The following PELI1 variants were observed in gnomAD, a reference collection of about 807,000 sequenced individuals.
PELI1 encodes the protein E3 ubiquitin-protein ligase pellino homolog 1.
PELI1 carries 15 observed loss-of-function variants against 41.3 expected under a neutral mutation model. That is an observed-to-expected ratio of 0.36 (90% confidence interval 0.24 to 0.56). The LOEUF is 0.56. Among genes scored for constraint, PELI1 ranks in the 20% least tolerant of loss-of-function variants. The probability of loss-of-function intolerance (pLI) is 0.82; values close to 1 mark genes in which losing one functional copy is unlikely to be tolerated. For missense variants in PELI1, 403 were observed against 525.5 expected (o/e 0.77, Z 2.28); for synonymous variants, 178 against 180.1 (o/e 0.99, Z 0.09).
chr2:64,114,421 T>C (rs932405643), intron 1 of PELI1, among the ~76,000 whole-genome samples: 1 of 152,130 alleles, frequency 6.6e-6, no homozygotes, highest in Non-Finnish European at 1.5e-5. Flanking sequence ...GGAGAAATAA[T>C]GGTGTGCAGT....
chr2:64,123,162 T>C (rs1681278275), intron 1 of PELI1, among the ~76,000 whole-genome samples: 1 of 152,238 alleles, frequency 6.6e-6, no homozygotes, highest in African/African-American at 2.4e-5. Flanking sequence ...CTCCACTCTT[T>C]TCTATATGTT....
intron 1 of PELI1, among the ~76,000 whole-genome samples, chr2:64,141,500 T>A (rs1420033090): frequency 2.0e-5 from 3 of 152,224 alleles, no homozygotes; most frequent in Admixed American, 2.0e-4. Flanking sequence ...TTTTCAATTC[T>A]AAGTCTTTGG....
intron 4 of PELI1, among the ~76,000 whole-genome samples, chr2:64,099,937 T>G: frequency 6.6e-6 from 1 of 152,248 alleles, no homozygotes; most frequent in East Asian, 1.9e-4. Flanking sequence ...ATACAAATAG[T>G]TAGCAAGTGC....
intron 3 of PELI1, among the ~76,000 whole-genome samples, chr2:64,102,582 A>G (rs1680481198): frequency 6.6e-6 from 1 of 152,196 alleles, no homozygotes; most frequent in South Asian, 2.1e-4. Context: ...GTATTTTGAA[A>G]ATTAATTCTT....
At chr2:64,096,880 T>C (rs1680257056) in intron 4 of PELI1, among the ~76,000 whole-genome samples, 1 of 152,186 alleles carries the variant, frequency 6.6e-6, no homozygotes, top group Admixed American at 6.5e-5. Context: ...ACGGCTGAGA[T>C]TTCTAGATGG....
At chr2:64,133,156 G>C (rs1681606058) in intron 1 of PELI1, among the ~76,000 whole-genome samples, 1 of 152,074 alleles carries the variant, frequency 6.6e-6, no homozygotes, top group Non-Finnish European at 1.5e-5. Flanking sequence ...CATCAAATTA[G>C]CACTAAACAT....
At chr2:64,104,458 CAG>C (rs1226736884) in intron 3 of PELI1, 4 of 401,664 alleles carry the variant, frequency 1.0e-5, no homozygotes, top group African/African-American at 2.1e-5. Flanking sequence ...AATAAGGAAA[CAG>C]AGTGTTTCCT....
rs1391329744 is a variant in PELI1, at chr2:64,144,387, C to G, written c.-376G>C. 1.3e-5 allele frequency: 2 copies of G among 151,052 alleles called. No individual in the cohort carries two copies. Among genetic ancestry groups the G allele is most frequent in the Admixed American group, 6.6e-5 (1 of 15,186 alleles). 9.4% of individuals were successfully genotyped at this position (151,052 alleles called of 1,614,324 possible). A position where few individuals can be genotyped will look rare whatever the true frequency, so the allele number is the denominator to read the frequency against. On this transcript the variant is annotated 5_prime_UTR_variant, in exon 1 of 7. Transcript: ENST00000358912. ...TGGAGGCGGCGGCGGCGCCCCCCGA[C>G]GGTCCCTCCGCCTCACACCGCCTCT...
rs377041268 is a variant in PELI1 at position 64,140,787 on chromosome 2, C to CAAAAAAAAAA, written c.-70+3284_-70+3293dup. On this transcript the variant is annotated intron_variant, in intron 1 of 6. Coordinates refer to ENST00000358912, the MANE Select transcript of PELI1 (RefSeq NM_020651.4). ...GAAGTGATCTACTCAAGACAACATG[C>CAAAAAAAAAA]AAAAAAAAAAAACAAACAAACAAAA... 2.9e-3 allele frequency among the ~76,000 whole-genome samples: 136 copies of CAAAAAAAAAA among 46,314 alleles called. 38 individuals are homozygous for CAAAAAAAAAA. Among genetic ancestry groups the CAAAAAAAAAA allele is most frequent in the Middle Eastern group, 0.029 (2 of 70 alleles). 30.4% of individuals were successfully genotyped at this position (46,314 alleles called of 152,430 possible).
intron 1 of PELI1, among the ~76,000 whole-genome samples, chr2:64,109,881 A>G (rs1353467517): frequency 6.6e-6 from 1 of 152,230 alleles, no homozygotes; most frequent in Non-Finnish European, 1.5e-5. Flanking sequence ...CGTGCGTGAG[A>G]CTATAGCAAA....
At chr2:64,106,988 C>T (rs116911451) in intron 2 of PELI1, among the ~76,000 whole-genome samples, 9,125 of 152,108 alleles carry the variant, frequency 0.06, 346 homozygotes, top group African/African-American at 0.11. Context: ...AGTGCAGTGG[C>T]GCTGATCTCA....
intron 2 of PELI1, among the ~76,000 whole-genome samples, chr2:64,106,577 T>C (rs1368542958): frequency 6.6e-6 from 1 of 152,214 alleles, no homozygotes; most frequent in African/African-American, 2.4e-5. Context: ...CTATGCTAAA[T>C]TTATGATCTT....
In PELI1 at chr2:64,117,260, T is replaced by C. The variant is rs1681027214; in HGVS notation, c.-69-8881A>G. Among the ~76,000 whole-genome samples, 3 of 152,226 alleles carry C rather than the reference T, an allele frequency of 2.0e-5. No individual in the cohort carries two copies. The South Asian group carries it at 6.2e-4, about 31-fold the overall frequency. On this transcript the variant is annotated intron_variant, in intron 1 of 6. Transcript: ENST00000358912. ...CATCACTTAATATTTAATTATTTTC[T>C]CAGAGATTCATATTTTTCAGTATCT...
At chr2:64,107,769 C>T (rs1680670548) in intron 2 of PELI1, among the ~76,000 whole-genome samples, 1 of 152,032 alleles carries the variant, frequency 6.6e-6, no homozygotes, top group Non-Finnish European at 1.5e-5. Flanking sequence ...CCTCTGCCTC[C>T]AGGGTTCAAG....
chr2:64,096,648 A>G, intron 4 of PELI1, 38 bp from the exon 5 acceptor site: 1 of 1,381,422 alleles, frequency 7.2e-7, no homozygotes. Flanking sequence ...ACCCATTCAA[A>G]GAGCACAGTG....
chr2:64,104,547 C>T, intron 3 of PELI1, 154 bp downstream of exon 3: 1 of 1,225,824 alleles, frequency 8.2e-7, no homozygotes, highest in Non-Finnish European at 1.1e-6. Flanking sequence ...GGCAGCTCTT[C>T]AAATACCATG....
Position 64,134,080 on chromosome 2 carries a change from G to A in PELI1, c.-70+10001C>T, listed in dbSNP as rs535354283. On this transcript the variant is annotated intron_variant, in intron 1 of 6. Transcript: ENST00000358912. ...GAGCCTTCAATTTAAGGAGTAGGAG[G>A]AAAATGAGGGGGCCTACTGAATCAT... 3.3e-5 allele frequency among the ~76,000 whole-genome samples: 5 copies of A among 152,142 alleles called. No individual in the cohort carries two copies. In the South Asian group the frequency reaches 1.0e-3, roughly 32 times the overall value.
intron 1 of PELI1, among the ~76,000 whole-genome samples, chr2:64,133,298 T>G (rs1486507021): frequency 1.3e-5 from 2 of 152,112 alleles, no homozygotes; most frequent in Non-Finnish European, 2.9e-5. Flanking sequence ...GCTCATACAG[T>G]GAGTTTCAAC....
chr2:64,132,204 T>C (rs1266635125), intron 1 of PELI1, among the ~76,000 whole-genome samples: 1 of 152,184 alleles, frequency 6.6e-6, no homozygotes, highest in East Asian at 1.9e-4. Context: ...GAGAACTTTA[T>C]ATATTATCTC....
Sources: allele counts gnomAD v4.1 joint callset (sites outside exome capture counted in the v4.1 genomes callset), GRCh38; gene constraint gnomAD v4.1.1; transcripts MANE v1.5; gene names NCBI Gene and HGNC (gene_info 2026-07-23, HGNC 2026-07-21).